The following PKN2 variants were observed in gnomAD, a reference collection of about 807,000 sequenced individuals.
PKN2 encodes the protein serine/threonine-protein kinase N2.
A neutral mutation model predicts 119.1 loss-of-function variants in PKN2; 38 were observed. The ratio of observed to expected loss-of-function variants is 0.32; its 90% CI spans 0.25 to 0.42. The LOEUF (loss-of-function observed/expected upper bound fraction) is 0.42. Among genes scored for constraint, PKN2 ranks in the 10% least tolerant of loss-of-function variants. The pLI, the probability that PKN2 is intolerant of heterozygous loss-of-function variation, is 1.00. For synonymous variants in PKN2, 390 were observed against 384.9 expected, an observed-to-expected ratio of 1.01 and a Z score of -0.15; for missense variants, 850 against 1,165.1, an observed-to-expected ratio of 0.73 and a Z score of 3.94.
intron 16 of PKN2, among the ~76,000 whole-genome samples, chr1:88,820,088 C>T (rs968219073): frequency 4.0e-5 from 6 of 149,226 alleles, no homozygotes; most frequent in Non-Finnish European, 7.4e-5. Context: ...ACGTGAATAC[C>T]TATGTAACAA....
intron 1 of PKN2, among the ~76,000 whole-genome samples, chr1:88,697,272 A>G (rs1666576993): frequency 6.6e-6 from 1 of 152,194 alleles, no homozygotes; most frequent in Admixed American, 6.5e-5. Flanking sequence ...CAACTGACAT[A>G]TAGGTTATGC....
At chr1:88,731,821 C>T (rs1243608009) in intron 1 of PKN2, among the ~76,000 whole-genome samples, 7 of 152,142 alleles carry the variant, frequency 4.6e-5, no homozygotes, top group African/African-American at 1.2e-4. Context: ...TACTTGGTCA[C>T]GAGTGACAGT....
At chr1:88,743,356 C>T (rs2100749267) in intron 2 of PKN2, among the ~76,000 whole-genome samples, 1 of 152,234 alleles carries the variant, frequency 6.6e-6, no homozygotes. Context: ...TATTCCTTCC[C>T]AGCTAACCCA....
rs1671774973 is a variant in PKN2 at position 88,811,316 on chromosome 1, G to T, written c.2103-2241G>T. Among the ~76,000 whole-genome samples, 2 of 152,102 alleles carry T rather than the reference G, an allele frequency of 1.3e-5. 1 individual carries two copies. The highest frequency in any genetic ancestry group is 4.1e-4 in the South Asian group (2 of 4,828). ...TGTAGGATTCAATTCTAAGACCTTG[G>T]TTTTATTAATGATGTTTTCCCCTGA... is the stretch of plus-strand genomic sequence containing the variant. On this transcript the variant is annotated intron_variant, in intron 15 of 21. Coordinates refer to ENST00000370521, the MANE Select transcript of PKN2 (RefSeq NM_006256.4).
intron 1 of PKN2, among the ~76,000 whole-genome samples, chr1:88,693,705 T>C (rs1308707218): frequency 6.6e-6 from 1 of 152,054 alleles, no homozygotes; most frequent in African/African-American, 2.4e-5. Context: ...AGTGAGACCC[T>C]GTCTCAAAAA....
intron 1 of PKN2, among the ~76,000 whole-genome samples, chr1:88,701,769 A>G (rs1174003578): frequency 6.6e-6 from 1 of 152,204 alleles, no homozygotes; most frequent in Non-Finnish European, 1.5e-5. Flanking sequence ...TATTTCATTT[A>G]TTGATGACTT....
chr1:88,825,467 C>T (rs2100924275), intron 18 of PKN2, among the ~76,000 whole-genome samples: 1 of 152,286 alleles, frequency 6.6e-6, no homozygotes, highest in Admixed American at 6.5e-5. Context: ...TTATTTTCCG[C>T]CGGTAGTCTG....
intron 1 of PKN2, among the ~76,000 whole-genome samples, chr1:88,726,683 A>G (rs1667911728): frequency 6.6e-6 from 1 of 151,788 alleles, no homozygotes. Flanking sequence ...ATTGGGAAGT[A>G]TTTCCTCTGA....
At chr1:88,686,242 GA>G (rs1187858629) in intron 1 of PKN2, among the ~76,000 whole-genome samples, 1 of 152,098 alleles carries the variant, frequency 6.6e-6, no homozygotes, top group East Asian at 1.9e-4. Flanking sequence ...TTTTGATTGA[GA>G]AAGATGATAG....
intron 19 of PKN2, chr1:88,828,942 T>G (rs1672616509): frequency 1.6e-6 from 1 of 636,466 alleles, no homozygotes; most frequent in South Asian, 1.5e-5. Context: ...AGGAATGTAC[T>G]CTGTACCTGT....
rs1570694431 is a variant in PKN2, at chr1:88,828,413, C to T, written c.2420-68C>T. 7.1e-6 allele frequency: 10 copies of T among 1,406,026 alleles called. No individual in the cohort carries two copies. The East Asian group carries it at 2.3e-4, about 33-fold the overall frequency. 87.1% of individuals were successfully genotyped at this position (1,406,026 alleles called of 1,614,324 possible). On this transcript the variant is annotated intron_variant, in intron 18 of 21. Transcript: ENST00000370521. ...CTTTAATTTTGCCTCCCAAAGATAG[C>T]TTTGATTTTTTTTTTATGCTAGATT... is the stretch of plus-strand genomic sequence containing the variant.
chr1:88,828,867 T>C, intron 19 of PKN2: 1 of 573,294 alleles, frequency 1.7e-6, no homozygotes, highest in East Asian at 3.4e-5. Flanking sequence ...TGTACTTTTA[T>C]TATGTTTTCT....
chr1:88,703,843 T>C (rs1666866692), intron 1 of PKN2, among the ~76,000 whole-genome samples: 2 of 152,142 alleles, frequency 1.3e-5, no homozygotes, highest in Non-Finnish European at 2.9e-5. Context: ...AGTAGAGGAA[T>C]TGATTCTAGA....
At chr1:88,805,331 T>G (rs896844085) in intron 10 of PKN2, among the ~76,000 whole-genome samples, 166 bp from the exon 11 acceptor site, 4 of 152,236 alleles carry the variant, frequency 2.6e-5, no homozygotes, top group Non-Finnish European at 4.4e-5. Flanking sequence ...GTATGCTATT[T>G]TGCATTAGCC....
At chr1:88,701,109 AATG>A (rs1399610448) in intron 1 of PKN2, among the ~76,000 whole-genome samples, 1 of 152,212 alleles carries the variant, frequency 6.6e-6, no homozygotes, top group Non-Finnish European at 1.5e-5. Flanking sequence ...ATTAAAAACA[AATG>A]ATAATGAATA....
intron 1 of PKN2, among the ~76,000 whole-genome samples, chr1:88,704,888 A>T (rs1666916060): frequency 6.6e-6 from 1 of 151,936 alleles, no homozygotes; most frequent in Admixed American, 6.6e-5. Context: ...TAGCGACATC[A>T]TACTGGTTTT....
intron 1 of PKN2, among the ~76,000 whole-genome samples, chr1:88,708,705 A>C (rs1233356726): frequency 6.8e-6 from 1 of 147,920 alleles, no homozygotes; most frequent in South Asian, 2.1e-4. Flanking sequence ...CAGGTAATCT[A>C]CCTGTCTCGG....
intron 3 of PKN2, among the ~76,000 whole-genome samples, chr1:88,762,419 A>G (rs537689277): frequency 2.5e-4 from 38 of 152,326 alleles, no homozygotes; most frequent in African/African-American, 8.4e-4. Context: ...ATTTCTGTCT[A>G]GATTCCACCT....
intron 19 of PKN2, among the ~76,000 whole-genome samples, 178 bp from the exon 20 acceptor site, chr1:88,832,563 ACTT>A (rs1391111460): frequency 1.3e-5 from 2 of 151,814 alleles, no homozygotes; most frequent in Non-Finnish European, 2.9e-5. Context: ...ATCTGTTGTC[ACTT>A]CTTATAGTTC....
Sources: gnomAD v4.1 joint callset for allele counts (sites outside exome capture counted in the v4.1 genomes callset) on GRCh38, gnomAD v4.1.1 for gene constraint, MANE v1.5 for transcripts, NCBI Gene and HGNC (gene_info 2026-07-23, HGNC 2026-07-21) for gene names.